TRIP12: variants seen among roughly 807,000 people sequenced by gnomAD.
TRIP12 encodes the protein E3 ubiquitin-protein ligase TRIP12.
In TRIP12, 25 loss-of-function variants were observed where a neutral mutation model predicts 244.2. That is an observed-to-expected ratio of 0.10 (90% CI 0.07 to 0.14). TRIP12 has a LOEUF of 0.14. TRIP12 is among the 10% of genes least tolerant of loss of function. The pLI is 1.00. For missense variants in TRIP12, 1,677 were observed against 2,486.4 expected (o/e 0.67, Z 6.92); for synonymous variants, 905 against 873.1 (o/e 1.04, Z -0.64).
At chr2:229,809,095 T>C (rs577645985) in intron 15 of TRIP12, among the ~76,000 whole-genome samples, 2 of 152,364 alleles carry the variant, frequency 1.3e-5, no homozygotes, top group East Asian at 3.9e-4. Flanking sequence ...ATGCAAAATA[T>C]ACATAAACAT....
chr2:229,780,911 AAAGAG>A (rs2037938011), intron 34 of TRIP12, among the ~76,000 whole-genome samples: 1 of 152,188 alleles, frequency 6.6e-6, no homozygotes. Context: ...CTGAGGAACA[AAAGAG>A]AAGCAAAGAA....
At chr2:229,840,988 T>C in intron 4 of TRIP12, 61 bp from the exon 5 acceptor site, 1 of 1,248,048 alleles carries the variant, frequency 8.0e-7, no homozygotes, top group South Asian at 1.4e-5. Flanking sequence ...AATTAAAAAT[T>C]ATAAAATTCT....
rs540673000 is a variant in TRIP12 at position 229,855,946 on chromosome 2, G to A, written c.1027+2826C>T. On this transcript the variant is annotated intron_variant, in intron 4 of 41. Transcript: ENST00000675903. ...CCAGCTACTTGGGAGGCTGAGGCAC[G>A]AGAATTGCCCGAACCTGGGAGGTAG... 7.9e-5 allele frequency among the ~76,000 whole-genome samples: 12 copies of A among 151,774 alleles called. 1 individual carries two copies. In the South Asian group the frequency reaches 2.3e-3, roughly 29 times the overall value.
At chr2:229,853,997 A>T (rs1576076654) in intron 4 of TRIP12, among the ~76,000 whole-genome samples, 1 of 152,330 alleles carries the variant, frequency 6.6e-6, no homozygotes, top group East Asian at 1.9e-4. Context: ...TATAGGTTAC[A>T]TGTTTACATA....
chr2:229,841,010 T>C (rs914167675), intron 4 of TRIP12, 83 bp from the exon 5 acceptor site: 1 of 975,566 alleles, frequency 1.0e-6, no homozygotes, highest in Non-Finnish European at 1.5e-6. Context: ...CAGGTCATCA[T>C]GTTCAAAACT....
chr2:229,908,581 AATT>A (rs1209137981), intron 1 of TRIP12, among the ~76,000 whole-genome samples: 7 of 151,544 alleles, frequency 4.6e-5, no homozygotes, highest in Non-Finnish European at 8.8e-5. Context: ...AAATACAAAA[AATT>A]AGCCGGGCGT....
chr2:229,864,064 GT>G (rs2061045631), intron 2 of TRIP12, among the ~76,000 whole-genome samples: 1 of 151,500 alleles, frequency 6.6e-6, no homozygotes, highest in South Asian at 2.1e-4. Flanking sequence ...GTGTGTGTGT[GT>G]GTGTGTGTGT....
chr2:229,887,043 T>C (rs1012361726), intron 1 of TRIP12, among the ~76,000 whole-genome samples: 3 of 151,970 alleles, frequency 2.0e-5, no homozygotes, highest in African/African-American at 7.3e-5. Flanking sequence ...CAAATACAAG[T>C]TTGACTGAGC....
chr2:229,903,853 T>C (rs1207696795), intron 1 of TRIP12, among the ~76,000 whole-genome samples: 1 of 144,184 alleles, frequency 6.9e-6, no homozygotes, highest in Non-Finnish European at 1.5e-5. Context: ...CCATGTTGTC[T>C]CTACCAAAAA....
intron 18 of TRIP12, among the ~76,000 whole-genome samples, chr2:229,805,246 C>CAACAACAACAACAACAACAACAAA (rs770905482): frequency 6.6e-5 from 10 of 151,900 alleles, no homozygotes; most frequent in East Asian, 1.9e-4. Flanking sequence ...ACAACAACAA[C>CAACAACAACAACAACAACAACAAA]AAAAATATTT....
chr2:229,775,269 T>G lies in TRIP12; in HGVS notation c.5530-1008A>C, dbSNP rs143643486. Reference sequence around the variant, plus strand: ...GTAAATGGTCACAGAATTATGTCCATTTTTACTTCTCTGCAAAAACCCACT... The same window carrying G: ...GTAAATGGTCACAGAATTATGTCCAGTTTTACTTCTCTGCAAAAACCCACT... On this transcript the variant is annotated intron_variant, in intron 37 of 41. Transcript: ENST00000675903. 3.9e-5 allele frequency among the ~76,000 whole-genome samples: 6 copies of G among 152,070 alleles called. No individual in the cohort carries two copies. The South Asian group carries it at 1.2e-3, about 32-fold the overall frequency.
rs1395339402 is a variant in TRIP12, at chr2:229,767,401, A to G, written c.*153T>C. On this transcript the variant is annotated 3_prime_UTR_variant, in exon 42 of 42. Coordinates refer to ENST00000675903, the MANE Select transcript of TRIP12 (RefSeq NM_001348323.3). ...TTTAAGTCCATGGGGCCATTAATGA[A>G]TATCAACCAAATGTCTCTTTATAAT... 3 of 854,036 alleles carry G rather than the reference A, an allele frequency of 3.5e-6. No individual in the cohort carries two copies. Among genetic ancestry groups the G allele is most frequent in the Admixed American group, 6.8e-5 (2 of 29,364 alleles). 52.9% of individuals were successfully genotyped at this position (854,036 alleles called of 1,614,324 possible).
chr2:229,880,935 C>T (rs989387688), intron 1 of TRIP12, among the ~76,000 whole-genome samples: 1 of 152,158 alleles, frequency 6.6e-6, no homozygotes, highest in Non-Finnish European at 1.5e-5. Flanking sequence ...CAGAGTGAGA[C>T]TCCACCTCAA....
intron 6 of TRIP12, among the ~76,000 whole-genome samples, chr2:229,831,610 G>A (rs1044154987): frequency 6.6e-5 from 10 of 152,124 alleles, no homozygotes; most frequent in Non-Finnish European, 1.0e-4. Context: ...CAGCCTGAGC[G>A]GCAGGGCCAG....
chr2:229,770,815 A>G (rs1238386236), intron 39 of TRIP12, among the ~76,000 whole-genome samples: 2 of 152,170 alleles, frequency 1.3e-5, no homozygotes, highest in African/African-American at 2.4e-5. Flanking sequence ...GATGGTTTCA[A>G]AAAGGGGAGT....
intron 1 of TRIP12, among the ~76,000 whole-genome samples, chr2:229,908,091 C>T (rs2073349711): frequency 6.6e-6 from 1 of 152,112 alleles, no homozygotes; most frequent in Non-Finnish European, 1.5e-5. Flanking sequence ...CATTATCCTC[C>T]ACCAGCAGAC....
intron 15 of TRIP12, 44 bp from the exon 16 acceptor site, chr2:229,808,413 T>TA (rs1158776801): frequency 1.5e-6 from 2 of 1,294,196 alleles, no homozygotes; most frequent in South Asian, 2.4e-5. Context: ...TTAAACTAGT[T>TA]ATACTACCTC....
At chr2:229,804,643 T>C (rs1237188871) in intron 18 of TRIP12, among the ~76,000 whole-genome samples, 5 of 152,244 alleles carry the variant, frequency 3.3e-5, no homozygotes, top group Admixed American at 3.3e-4. Flanking sequence ...TCTACCACTT[T>C]GCTTAGTGAC....
chr2:229,836,729 TA>T, intron 6 of TRIP12, 118 bp downstream of exon 6: 1 of 1,248,732 alleles, frequency 8.0e-7, no homozygotes, highest in Non-Finnish European at 1.1e-6. Flanking sequence ...ACTGGTAAAG[TA>T]AAACAAAACA....
Sources: gnomAD v4.1 joint callset for allele counts (sites outside exome capture counted in the v4.1 genomes callset) on GRCh38, gnomAD v4.1.1 for gene constraint, MANE v1.5 for transcripts, NCBI Gene and HGNC (gene_info 2026-07-23, HGNC 2026-07-21) for gene names.